Variants in NRXN3 observed in about 807,000 individuals in gnomAD.
NRXN3 encodes neurexin 3.
A neutral mutation model predicts 137.6 loss-of-function variants in NRXN3; 32 were observed. That is an observed-to-expected ratio of 0.23 (90% confidence interval 0.18 to 0.31). The LOEUF (loss-of-function observed/expected upper bound fraction) is 0.31, where lower values mean the gene tolerates loss of function less well. Among genes scored for constraint, NRXN3 ranks in the 10% least tolerant of loss-of-function variants. The pLI, the probability that NRXN3 is intolerant of heterozygous loss-of-function variation, is 1.00. For missense variants in NRXN3, 1,574 were observed against 2,062.5 expected (o/e 0.76, Z 4.59); for synonymous variants, 798 against 784.5 (o/e 1.02, Z -0.29).
chr14:78,893,797 C>T (rs985766894), intron 10 of NRXN3, among the ~76,000 whole-genome samples: 3 of 151,792 alleles, frequency 2.0e-5, no homozygotes, highest in African/African-American at 7.3e-5. Flanking sequence ...TAAAAACATA[C>T]CTTAGAGATA....
intron 10 of NRXN3, among the ~76,000 whole-genome samples, chr14:78,874,981 CA>C (rs2099110507): frequency 6.6e-6 from 1 of 152,104 alleles, no homozygotes; most frequent in Non-Finnish European, 1.5e-5. Context: ...GACTTGAGCA[CA>C]GGGGTGTGGA....
intron 14 of NRXN3, among the ~76,000 whole-genome samples, chr14:78,980,809 T>A (rs1220399325): frequency 6.6e-6 from 1 of 152,198 alleles, no homozygotes; most frequent in African/African-American, 2.4e-5. Flanking sequence ...TTATTCAGTC[T>A]TTCCAGACAC....
At chr14:79,530,626 C>T (rs7147997) in intron 16 of NRXN3, among the ~76,000 whole-genome samples, 141,860 of 150,008 alleles carry the variant, frequency 0.95, 67,105 homozygotes, top group East Asian at 1. Flanking sequence ...TTGTCTCTAT[C>T]TTATTTATTT....
At chr14:79,248,669 G>T (rs998873436) in intron 15 of NRXN3, 1 of 152,206 alleles carries the variant, frequency 6.6e-6, no homozygotes, top group Non-Finnish European at 1.5e-5. Flanking sequence ...TTGTCAGTGA[G>T]TCGCCAATGC....
intron 16 of NRXN3, among the ~76,000 whole-genome samples, chr14:79,506,063 T>C (rs1223218981): frequency 1.3e-5 from 2 of 152,226 alleles, no homozygotes; most frequent in African/African-American, 4.8e-5. Flanking sequence ...TCATGGTTGC[T>C]TGCTTCTTCA....
At chr14:79,174,061 C>G (rs2062054583) in intron 15 of NRXN3, among the ~76,000 whole-genome samples, 1 of 152,124 alleles carries the variant, frequency 6.6e-6, no homozygotes. Context: ...TTTTGTTTCT[C>G]TAATCTGGGC....
At chr14:78,357,884 T>C (rs2153601949) in intron 4 of NRXN3, among the ~76,000 whole-genome samples, 1 of 152,344 alleles carries the variant, frequency 6.6e-6, no homozygotes, top group East Asian at 1.9e-4. Context: ...TAGCAATAGC[T>C]AACTTAGATT....
chr14:79,459,292 A>G (rs2096295949), intron 15 of NRXN3, among the ~76,000 whole-genome samples: 1 of 152,090 alleles, frequency 6.6e-6, no homozygotes, highest in East Asian at 1.9e-4. Context: ...ATGTGACTGC[A>G]TTTGAAGATA....
chr14:78,866,143 A>G (rs778877911), intron 10 of NRXN3, among the ~76,000 whole-genome samples: 16 of 152,168 alleles, frequency 1.1e-4, no homozygotes, highest in Admixed American at 7.9e-4. Context: ...TAAGAATTCT[A>G]TAGTCTCTGC....
At position 79,138,835 on chromosome 14, in the gene NRXN3, C is replaced by T. The variant is rs531325507; in HGVS notation, c.3262+150694C>T. 3.9e-5 allele frequency among the ~76,000 whole-genome samples: 6 copies of T among 152,236 alleles called. No homozygotes were observed. The East Asian group carries it at 1.2e-3, about 29-fold the overall frequency. ...TCAAGAATTCAATCTTAAAACATTG[C>T]CTATTTTTTTCTTCAGAAAACAGGA... On this transcript the variant is annotated intron_variant, in intron 15 of 20. Coordinates refer to ENST00000335750, the MANE Select transcript of NRXN3 (RefSeq NM_001330195.2).
At chr14:78,252,848 C>T (rs2068857454) in intron 2 of NRXN3, among the ~76,000 whole-genome samples, 1 of 152,210 alleles carries the variant, frequency 6.6e-6, no homozygotes, top group South Asian at 2.1e-4. Context: ...GGAGTACCCA[C>T]TTGCGAGGAG....
At chr14:78,885,407 C>A (rs1461926999) in intron 10 of NRXN3, among the ~76,000 whole-genome samples, 1 of 151,838 alleles carries the variant, frequency 6.6e-6, no homozygotes, top group East Asian at 1.9e-4. Flanking sequence ...AGATTAAAAT[C>A]TGCAAATGAA....
intron 15 of NRXN3, among the ~76,000 whole-genome samples, chr14:79,253,310 G>T (rs2076173257): frequency 6.6e-6 from 1 of 152,148 alleles, no homozygotes; most frequent in Non-Finnish European, 1.5e-5. Context: ...ACCCTGTGCG[G>T]CCATAGTTTA....
chr14:79,400,749 G>A lies in NRXN3; in HGVS notation c.3263-66472G>A, dbSNP rs149346436. ...ATAATCTTTTGATACTTGTCAAAGA[G>A]CAGAGAACCGCAGAAATTAAGAGTT... On this transcript the variant is annotated intron_variant, in intron 15 of 20. Coordinates refer to ENST00000335750, the MANE Select transcript of NRXN3 (RefSeq NM_001330195.2). 1.3e-3 allele frequency among the ~76,000 whole-genome samples: 192 copies of A among 152,292 alleles called. 1 individual carries two copies. Among genetic ancestry groups the A allele is most frequent in the African/African-American group, 4.3e-3 (179 of 41,570 alleles).
chr14:79,495,960 C>A lies in NRXN3; in HGVS notation c.3444+28558C>A, dbSNP rs866762782. Among the ~76,000 whole-genome samples the A allele has an allele frequency of 5.4e-4, 78 of 145,360 alleles. No homozygotes were observed. The Middle Eastern group carries it at 0.021, about 39-fold the overall frequency. On this transcript the variant is annotated intron_variant, in intron 16 of 20. Transcript: ENST00000335750. ...GTAGTCAAGTGCTAAAAAAAAAAAA[C>A]AAAAAACAAAAAAACAAAAAATCCA...
chr14:79,283,431 G>C (rs2081627567), intron 15 of NRXN3, among the ~76,000 whole-genome samples: 1 of 152,150 alleles, frequency 6.6e-6, no homozygotes, highest in South Asian at 2.1e-4. Context: ...CCTATAGAGA[G>C]ATTCATGCTA....
At chr14:78,743,030 G>A (rs1426794720) in intron 8 of NRXN3, among the ~76,000 whole-genome samples, 1 of 152,066 alleles carries the variant, frequency 6.6e-6, no homozygotes, top group Admixed American at 6.5e-5. Flanking sequence ...ATTATTGTCT[G>A]AGAGGAGCAC....
At position 79,145,170 on chromosome 14, in the gene NRXN3, A is replaced by G. The variant is rs552565470; in HGVS notation, c.3262+157029A>G. On this transcript the variant is annotated intron_variant, in intron 15 of 20. Transcript: ENST00000335750. ...GCACGCTTAGTACAGTCATTGAGAT[A>G]CATAAGGCAACCATGTGCCTTAATC... Among the ~76,000 whole-genome samples, 175 of 152,276 alleles carry G rather than the reference A, an allele frequency of 1.1e-3. 2 individuals carry two copies. Among genetic ancestry groups the G allele is most frequent in the African/African-American group, 4.1e-3 (170 of 41,564 alleles).
At chr14:78,499,576 A>G (rs183607356) in intron 4 of NRXN3, among the ~76,000 whole-genome samples, 208 of 152,258 alleles carry the variant, frequency 1.4e-3, no homozygotes, top group Non-Finnish European at 8.7e-4. Flanking sequence ...CACATTTATT[A>G]TCTCATAGTT....
Sources: allele counts gnomAD v4.1 joint callset (sites outside exome capture counted in the v4.1 genomes callset), GRCh38; gene constraint gnomAD v4.1.1; transcripts MANE v1.5; gene names NCBI Gene and HGNC (gene_info 2026-07-23, HGNC 2026-07-21).